Variants in GLIS1 observed in about 807,000 individuals in gnomAD.
GLIS1 encodes GLIS family zinc finger 1, also known as zinc finger protein GLIS1.
Under a neutral mutation model 63.8 loss-of-function variants are expected in GLIS1, and 24 were observed. The ratio of observed to expected loss-of-function variants is 0.38; its 90% CI spans 0.27 to 0.53. The LOEUF is 0.53. Ranked by LOEUF, GLIS1 falls within the 20% of genes least tolerant of loss-of-function variation. GLIS1 has a pLI of 0.85. For missense variants in GLIS1, 1,036 were observed against 1,074.1 expected (o/e 0.96, Z 0.50); for synonymous variants, 450 against 482.5 (o/e 0.93, Z 0.88).
intron 2 of GLIS1, among the ~76,000 whole-genome samples, chr1:53,701,927 AG>A (rs1273322660): frequency 6.9e-6 from 1 of 144,234 alleles, no homozygotes; most frequent in Non-Finnish European, 1.5e-5. Context: ...CGAGAGGCAG[AG>A]GTTGCACTGA....
rs149408422 is a variant in GLIS1 at position 53,601,402 on chromosome 1, G to C, written c.260-1124C>G. ...GTGCCTTGCAGATACAATAAAACAT[G>C]ATTGATAGGCCCAAGTATGGCCAAC... On this transcript the variant is annotated intron_variant, in intron 2 of 10. Coordinates refer to ENST00000628545, the MANE Select transcript of GLIS1 (RefSeq NM_001367484.1). Among the ~76,000 whole-genome samples the C allele has an allele frequency of 3.3e-5, 5 of 152,314 alleles. No homozygotes were observed. In the East Asian group the frequency reaches 9.6e-4, roughly 29 times the overall value.
intron 4 of GLIS1, among the ~76,000 whole-genome samples, chr1:53,584,582 C>G (rs1456969441): frequency 2.0e-5 from 3 of 152,188 alleles, no homozygotes; most frequent in Admixed American, 2.0e-4. Context: ...CTGAACTTGG[C>G]ACAAGGGGGT....
intron 4 of GLIS1, among the ~76,000 whole-genome samples, chr1:53,554,920 C>T (rs1644802425): frequency 6.6e-6 from 1 of 152,130 alleles, no homozygotes; most frequent in Non-Finnish European, 1.5e-5. Flanking sequence ...TTCTCTGGGG[C>T]ACAGAAAGGA....
At chr1:53,723,114 C>CA (rs1439935584) in intron 2 of GLIS1, among the ~76,000 whole-genome samples, 1 of 151,408 alleles carries the variant, frequency 6.6e-6, no homozygotes, top group Admixed American at 6.6e-5. Context: ...GCCTGGGTGA[C>CA]AGAGTGAGAC....
At chr1:53,593,993 G>A in intron 4 of GLIS1, 115 bp downstream of exon 4, 1 of 1,246,718 alleles carries the variant, frequency 8.0e-7, no homozygotes, top group Non-Finnish European at 1.1e-6. Context: ...CTCAACCACA[G>A]GGATCTCAGC....
At chr1:53,556,271 TGTG>T (rs1183790573) in intron 4 of GLIS1, among the ~76,000 whole-genome samples, 2 of 135,322 alleles carry the variant, frequency 1.5e-5, no homozygotes, top group African/African-American at 5.6e-5. Context: ...GTACTGCAGG[TGTG>T]TGTGTGTGCA....
intron 2 of GLIS1, among the ~76,000 whole-genome samples, chr1:53,657,591 G>T (rs1005940924): frequency 2.0e-5 from 3 of 152,124 alleles, no homozygotes; most frequent in African/African-American, 7.2e-5. Flanking sequence ...TGATGCCCCT[G>T]CCGGACGCAT....
chr1:53,646,474 C>T lies in GLIS1; in HGVS notation c.260-46196G>A, dbSNP rs761270451. ...AACATAGAATAACATCAAATACATA[C>T]GGATAAATCTAACACAAGATATACA... On this transcript the variant is annotated intron_variant, in intron 2 of 10. Transcript: ENST00000628545. The surrounding 1 kb of genome is among the most constrained non-coding windows in gnomAD (Gnocchi z 4.2). Among the ~76,000 whole-genome samples, 30 of 152,206 alleles carry T rather than the reference C, an allele frequency of 2.0e-4. No individual in the cohort carries two copies. Among genetic ancestry groups the T allele is most frequent in the Non-Finnish European group, 3.8e-4 (26 of 68,004 alleles).
At chr1:53,632,097 G>C (rs964509085) in intron 2 of GLIS1, among the ~76,000 whole-genome samples, 1 of 150,848 alleles carries the variant, frequency 6.6e-6, no homozygotes, top group Admixed American at 6.6e-5. Flanking sequence ...AGGGGTGTGT[G>C]AATGAATGTG....
intron 4 of GLIS1, among the ~76,000 whole-genome samples, chr1:53,533,029 G>A (rs1250765463): frequency 6.6e-6 from 1 of 152,270 alleles, no homozygotes; most frequent in African/African-American, 2.4e-5. Context: ...CTGCAGGAGT[G>A]AGACTGTGTC....
At chr1:53,571,088 A>T (rs2950247) in intron 4 of GLIS1, among the ~76,000 whole-genome samples, 14,155 of 152,238 alleles carry the variant, frequency 0.093, 1,337 homozygotes, top group East Asian at 0.36. Flanking sequence ...CAACCAATAG[A>T]AAAATGGGCA....
At chr1:53,549,532 A>G (rs1254171416) in intron 4 of GLIS1, among the ~76,000 whole-genome samples, 1 of 152,204 alleles carries the variant, frequency 6.6e-6, no homozygotes, top group East Asian at 1.9e-4. Context: ...GCTAATGTTG[A>G]GCAACTTTTC....
In GLIS1 at chr1:53,646,646, C is replaced by A. The variant is rs1645847322; in HGVS notation, c.260-46368G>T. 6.6e-6 allele frequency among the ~76,000 whole-genome samples: 1 copy of A among 152,006 alleles called. No individual in the cohort carries two copies. Among genetic ancestry groups the A allele is most frequent in the Non-Finnish European group, 1.5e-5 (1 of 68,008 alleles). On this transcript the variant is annotated intron_variant, in intron 2 of 10. Coordinates refer to ENST00000628545, the MANE Select transcript of GLIS1 (RefSeq NM_001367484.1). The surrounding 1 kb of genome is among the most constrained non-coding windows in gnomAD (Gnocchi z 4.2). ...CCAACATGGTAAAACCCCGTCTTGACTAAAAATACAAAACTTAGCCAGGTG... is the reference window on the plus strand; with the variant it reads ...CCAACATGGTAAAACCCCGTCTTGAATAAAAATACAAAACTTAGCCAGGTG...
chr1:53,523,287 C>T (rs140990493), intron 6 of GLIS1, among the ~76,000 whole-genome samples: 2 of 152,218 alleles, frequency 1.3e-5, no homozygotes, highest in East Asian at 3.9e-4. Context: ...GCTTCCAATG[C>T]TCCCCACTGC....
At chr1:53,660,627 G>C (rs1336667353) in intron 2 of GLIS1, among the ~76,000 whole-genome samples, 1 of 152,212 alleles carries the variant, frequency 6.6e-6, no homozygotes, top group African/African-American at 2.4e-5. Flanking sequence ...GAAAAGGGGA[G>C]AGTCAGGGTC....
intron 2 of GLIS1, among the ~76,000 whole-genome samples, chr1:53,625,070 G>A (rs1645581156): frequency 6.6e-6 from 1 of 152,228 alleles, no homozygotes; most frequent in Non-Finnish European, 1.5e-5. Flanking sequence ...TTCACAGCCA[G>A]TCCAAAGAGA....
chr1:53,671,898 C>T (rs1040330995), intron 2 of GLIS1, among the ~76,000 whole-genome samples: 5 of 152,118 alleles, frequency 3.3e-5, no homozygotes, highest in Admixed American at 1.3e-4. Flanking sequence ...AAAGCTCCTT[C>T]CCCTCCTTCT....
chr1:53,517,063 A>G (rs545765871), intron 7 of GLIS1, among the ~76,000 whole-genome samples: 1 of 152,246 alleles, frequency 6.6e-6, no homozygotes, highest in Non-Finnish European at 1.5e-5. Context: ...AATATATTCC[A>G]TTTTAAGATG....
rs976762863 is a variant in GLIS1, at chr1:53,574,943, G to T, written c.1320+19165C>A. Among the ~76,000 whole-genome samples the T allele has an allele frequency of 3.9e-5, 6 of 152,094 alleles. No individual in the cohort carries two copies. Among genetic ancestry groups the T allele is most frequent in the African/African-American group, 1.4e-4 (6 of 41,382 alleles). ...GTGTGATCACTCCGGGGGCAGGGTG[G>T]GCAGCCCCGGTCTGAACCTCACATC... is the stretch of plus-strand genomic sequence containing the variant. On this transcript the variant is annotated intron_variant, in intron 4 of 10. Transcript: ENST00000628545. The surrounding 1 kb of genome is among the most constrained non-coding windows in gnomAD (Gnocchi z 4.2).
Sources: gnomAD v4.1 joint callset for allele counts (sites outside exome capture counted in the v4.1 genomes callset) on GRCh38, gnomAD v4.1.1 for gene constraint, Gnocchi (gnomAD v3.1) non-coding constraint, MANE v1.5 for transcripts, NCBI Gene and HGNC (gene_info 2026-07-23, HGNC 2026-07-21) for gene names.